NEDD1: variants seen among roughly 807,000 people sequenced by gnomAD.
The protein encoded by NEDD1 is NEDD1 gamma-tubulin ring complex targeting factor, also known as protein NEDD1.
In NEDD1, 33 loss-of-function variants were observed where a neutral mutation model predicts 74.0. That is an observed-to-expected ratio of 0.45 (90% confidence interval 0.34 to 0.60). The LOEUF (loss-of-function observed/expected upper bound fraction) is 0.60, where lower values mean the gene tolerates loss of function less well. Ranked by LOEUF, NEDD1 falls within the 20% of genes least tolerant of loss-of-function variation. NEDD1 has a pLI of 0.01. For missense variants in NEDD1, 746 were observed against 776.5 expected, an observed-to-expected ratio of 0.96 and a Z score of 0.47; for synonymous variants, 250 against 264.4, an observed-to-expected ratio of 0.95 and a Z score of 0.53.
At chr12:96,949,327 A>G (rs1878492561) in intron 14 of NEDD1, among the ~76,000 whole-genome samples, 2 of 152,232 alleles carry the variant, frequency 1.3e-5, no homozygotes, top group African/African-American at 4.8e-5. Context: ...ATTTTTAAAA[A>G]TACCCTCATA....
At chr12:96,938,007 T>A (rs1877297252) in intron 9 of NEDD1, among the ~76,000 whole-genome samples, 1 of 152,144 alleles carries the variant, frequency 6.6e-6, no homozygotes, top group Admixed American at 6.6e-5. Flanking sequence ...GTGCAACAAA[T>A]ACTTTAGAAA....
In NEDD1 at chr12:96,909,827, C is replaced by G; in HGVS notation, c.68C>G (p.Thr23Arg). 1 of 1,613,236 alleles carries G rather than the reference C, an allele frequency of 6.2e-7. No homozygotes were observed. The highest frequency in any genetic ancestry group is 1.1e-5 in the South Asian group (1 of 91,058). The change falls in exon 3 of 16, where the codon ACA becomes AGA. Residue 23 changes from threonine to arginine, a missense_variant. Coordinates refer to ENST00000266742, the MANE Select transcript of NEDD1 (RefSeq NM_152905.4). ...AAAATATGGGATGCTTCATCTATGA[C>G]ATTGGTGGATAAATTCAACCCACAC... ...DIKIWDASSMTLVDKFNPHTS... is the reference protein window; with the variant it reads ...DIKIWDASSMRLVDKFNPHTS...
In NEDD1 at chr12:96,926,028, G is replaced by A. The variant is rs904598103; in HGVS notation, c.489+5903G>A. ...CAAGTGAGAATAATATACTTTCAAA[G>A]GGATTTTTTTTTTTGATGGCTAAAT... is the stretch of plus-strand genomic sequence containing the variant. On this transcript the variant is annotated intron_variant, in intron 6 of 15. Transcript: ENST00000266742. Among the ~76,000 whole-genome samples the A allele has an allele frequency of 4.0e-5, 6 of 151,586 alleles. No homozygotes were observed. The Admixed American group carries it at 4.0e-4, about 10-fold the overall frequency.
At chr12:96,925,129 A>G (rs2136544145) in intron 6 of NEDD1, among the ~76,000 whole-genome samples, 1 of 152,324 alleles carries the variant, frequency 6.6e-6, no homozygotes, top group East Asian at 1.9e-4. Flanking sequence ...TGAAAGCAAT[A>G]AACTGCGGAG....
chr12:96,946,909 T>C (rs1274357882), intron 14 of NEDD1, among the ~76,000 whole-genome samples: 1 of 152,198 alleles, frequency 6.6e-6, no homozygotes, highest in East Asian at 1.9e-4. Context: ...TGTGGTCTGT[T>C]AGAAGTACTT....
intron 6 of NEDD1, among the ~76,000 whole-genome samples, chr12:96,926,658 A>T (rs949955245): frequency 1.3e-5 from 2 of 151,846 alleles, no homozygotes; most frequent in Admixed American, 6.6e-5. Flanking sequence ...TTTATTAATT[A>T]AAAAAAGTTT....
At position 96,929,089 on chromosome 12, in the gene NEDD1, TTTG is replaced by T. The variant is rs569417332; in HGVS notation, c.490-5880_490-5878del. 1.6e-3 allele frequency among the ~76,000 whole-genome samples: 245 copies of T among 152,068 alleles called. 1 individual carries two copies. The highest frequency in any genetic ancestry group is 5.5e-3 in the African/African-American group (230 of 41,568). On this transcript the variant is annotated intron_variant, in intron 6 of 15. Coordinates refer to ENST00000266742, the MANE Select transcript of NEDD1 (RefSeq NM_152905.4). Reference sequence around the variant, plus strand: ...GTATTCTTTTTCTCTCTTTGGATTTTTTGTTGTTGCATTTTCTTTGCTTATCTT... The same window carrying T: ...GTATTCTTTTTCTCTCTTTGGATTTTTTGTTGCATTTTCTTTGCTTATCTT...
intron 14 of NEDD1, among the ~76,000 whole-genome samples, chr12:96,947,039 C>T (rs975015627): frequency 6.6e-6 from 1 of 152,108 alleles, no homozygotes; most frequent in African/African-American, 2.4e-5. Flanking sequence ...GGGTATTATT[C>T]AATAATTATC....
intron 6 of NEDD1, among the ~76,000 whole-genome samples, chr12:96,932,020 T>C (rs1218231386): frequency 1.3e-5 from 2 of 152,176 alleles, no homozygotes; most frequent in African/African-American, 2.4e-5. Flanking sequence ...TTTTCATCTA[T>C]ATATTGTCTG....
At chr12:96,943,539 T>A in intron 11 of NEDD1, 21 bp from the exon 12 acceptor site, 2 of 1,580,154 alleles carry the variant, frequency 1.3e-6, no homozygotes, top group South Asian at 1.1e-5. Context: ...CATATGCACA[T>A]GCAGTTTTTC....
intron 1 of NEDD1, 73 bp from the exon 2 acceptor site, chr12:96,907,531 C>T: frequency 7.8e-7 from 1 of 1,284,550 alleles, no homozygotes; most frequent in South Asian, 1.3e-5. Flanking sequence ...GGTGTGCTGC[C>T]TCCGAAAAGT....
rs1555199843 is a variant in NEDD1 at position 96,909,915 on chromosome 12, A to AAAC, written c.136+21_136+22insACA. The AAAC allele has an allele frequency of 4.1e-5, 55 of 1,343,622 alleles. No individual in the cohort carries two copies. Among genetic ancestry groups the AAAC allele is most frequent in the African/African-American group, 3.7e-4 (25 of 68,430 alleles). 83.2% of individuals were successfully genotyped at this position (1,343,622 alleles called of 1,614,324 possible). A position where few individuals can be genotyped will look rare whatever the true frequency, so the allele number is the denominator to read the frequency against. On this transcript the variant is annotated intron_variant, in intron 3 of 15. Transcript: ENST00000266742. The stretch of plus-strand genomic sequence containing the variant: ...GCAATAGTATCCTTTAAAAAAAAAA[A>AAAC]ACACACACACACACACACAAACCGC...
chr12:96,930,209 ACACT>A (rs1213896926), intron 6 of NEDD1, among the ~76,000 whole-genome samples: 52 of 94,074 alleles, frequency 5.5e-4, no homozygotes, highest in Middle Eastern at 0.01. Flanking sequence ...ACACACACAC[ACACT>A]CTCTCTCTCT....
chr12:96,949,586 A>G (rs916753204), intron 14 of NEDD1, among the ~76,000 whole-genome samples: 1 of 152,168 alleles, frequency 6.6e-6, no homozygotes, highest in Non-Finnish European at 1.5e-5. Context: ...AAAAAAATCT[A>G]AGAATAACTA....
chr12:96,934,949 A>G (rs1030811743), intron 6 of NEDD1, 27 bp from the exon 7 acceptor site: 12 of 1,369,984 alleles, frequency 8.8e-6, no homozygotes, highest in Non-Finnish European at 1.1e-5. Flanking sequence ...TTATAATTAC[A>G]TAAAATTTAT....
intron 6 of NEDD1, among the ~76,000 whole-genome samples, chr12:96,926,971 A>G (rs1253040184): frequency 7.7e-6 from 1 of 129,802 alleles, no homozygotes; most frequent in East Asian, 2.5e-4. Flanking sequence ...TGGGTGACAG[A>G]GCGAAAAAAA....
At position 96,907,889 on chromosome 12, in the gene NEDD1, G is replaced by A. The variant is rs1413497925; in HGVS notation, c.-9+33G>A. On this transcript the variant is annotated intron_variant, in intron 2 of 15. Transcript: ENST00000266742. ...GGCAGATGGTCCTCTTCCCCGCCCC[G>A]CTTTAAGAGCCGAAAACAAACATTA... is the stretch of plus-strand genomic sequence containing the variant. 2.3e-6 allele frequency: 3 copies of A among 1,314,584 alleles called. 1 individual carries two copies. The South Asian group carries it at 6.1e-5, about 27-fold the overall frequency. The allele number at this position is 1,314,584 out of a possible 1,614,324, so 81.4% of individuals were successfully genotyped here.
rs1878769376 is a variant in NEDD1 at position 96,952,112 on chromosome 12, A to G, written c.*59A>G. On this transcript the variant is annotated 3_prime_UTR_variant, in exon 16 of 16. Transcript: ENST00000266742. ...GGGAAGTTTCTGGCAACACAGAACT[A>G]CATAGAATCAGTATTGTTTTCATGG... is the stretch of plus-strand genomic sequence containing the variant. 5.6e-6 allele frequency: 5 copies of G among 891,726 alleles called. No homozygotes were observed. The highest frequency in any genetic ancestry group is 9.3e-6 in the Non-Finnish European group (5 of 538,428). The allele number at this position is 891,726 out of a possible 1,614,324, so 55.2% of individuals were successfully genotyped here. A position where few individuals can be genotyped will look rare whatever the true frequency, so the allele number is the denominator to read the frequency against.
intron 6 of NEDD1, 145 bp downstream of exon 6, chr12:96,920,270 A>G (rs1874926596): frequency 2.0e-6 from 1 of 505,398 alleles, no homozygotes; most frequent in African/African-American, 2.0e-5. Flanking sequence ...ATATTCAGAT[A>G]GCAAGCTAAT....
Sources: allele counts gnomAD v4.1 joint callset (sites outside exome capture counted in the v4.1 genomes callset), GRCh38; gene constraint gnomAD v4.1.1; transcripts MANE v1.5; gene names NCBI Gene and HGNC (gene_info 2026-07-23, HGNC 2026-07-21).